Variants in CACNA1D observed in about 807,000 individuals in gnomAD.
CACNA1D encodes calcium voltage-gated channel subunit alpha1 D.
In CACNA1D, 55 loss-of-function variants were observed where a neutral mutation model predicts 257.1. That is an observed-to-expected ratio of 0.21 (90% CI 0.17 to 0.27). CACNA1D has a LOEUF of 0.27. CACNA1D is among the 10% of genes least tolerant of loss of function. The probability of loss-of-function intolerance (pLI) is 1.00; values close to 1 mark genes in which losing one functional copy is unlikely to be tolerated. For missense variants in CACNA1D, 1,876 were observed against 2,784.0 expected, an observed-to-expected ratio of 0.67 and a Z score of 7.34; for synonymous variants, 980 against 1,014.9, an observed-to-expected ratio of 0.97 and a Z score of 0.65.
chr3:53,737,078 C>T (rs1327982746), intron 20 of CACNA1D, among the ~76,000 whole-genome samples: 3 of 151,940 alleles, frequency 2.0e-5, no homozygotes, highest in African/African-American at 7.3e-5. Flanking sequence ...GTGGGTGGAT[C>T]GCTTGAGGTC....
At chr3:53,787,282 G>C (rs1418267248) in intron 40 of CACNA1D, among the ~76,000 whole-genome samples, 2 of 152,178 alleles carry the variant, frequency 1.3e-5, no homozygotes, top group African/African-American at 4.8e-5. Context: ...ACAGCCCTGG[G>C]CTCCAGGGTT....
rs116724741 is a variant in CACNA1D, at chr3:53,666,682, T to A, written c.1116+147T>A. 282 of 749,032 alleles carry A rather than the reference T, an allele frequency of 3.8e-4. No homozygotes were observed. The African/African-American group carries it at 4.3e-3, about 11-fold the overall frequency. The allele number at this position is 749,032 out of a possible 1,614,324, so 46.4% of individuals were successfully genotyped here. A position where few individuals can be genotyped will look rare whatever the true frequency, so the allele number is the denominator to read the frequency against. ...AAGCAGATGCTGTCTTTACCAGCAGTCTTCATCATCCTGCTCCTCGAGGGC... is the reference window on the plus strand; with the variant it reads ...AAGCAGATGCTGTCTTTACCAGCAGACTTCATCATCCTGCTCCTCGAGGGC... On this transcript the variant is annotated intron_variant, in intron 7 of 47. Coordinates refer to ENST00000350061, the MANE Select transcript of CACNA1D (RefSeq NM_001128840.3).
At chr3:53,767,882 A>G (rs2095343255) in intron 30 of CACNA1D, among the ~76,000 whole-genome samples, 2 of 151,976 alleles carry the variant, frequency 1.3e-5, no homozygotes, top group Admixed American at 1.3e-4. Flanking sequence ...GTGGGAGGGG[A>G]GGTGTCGCAG....
At chr3:53,629,291 T>A (rs557426830) in intron 3 of CACNA1D, among the ~76,000 whole-genome samples, 21 of 152,370 alleles carry the variant, frequency 1.4e-4, no homozygotes, top group African/African-American at 4.3e-4. Flanking sequence ...CTGATTACCT[T>A]CATGCCAACC....
chr3:53,739,026 G>A (rs2095087610), intron 20 of CACNA1D, among the ~76,000 whole-genome samples: 1 of 152,204 alleles, frequency 6.6e-6, no homozygotes, highest in East Asian at 1.9e-4. Context: ...GAATTCATAA[G>A]TCCAAAACCA....
intron 9 of CACNA1D, among the ~76,000 whole-genome samples, chr3:53,716,039 C>T (rs75670015): frequency 0.019 from 2,844 of 152,232 alleles, 79 homozygotes; most frequent in African/African-American, 0.065. Context: ...GCAACTGTAC[C>T]GATATCAGCA....
chr3:53,714,234 G>A (rs1246606408), intron 9 of CACNA1D, among the ~76,000 whole-genome samples: 1 of 152,178 alleles, frequency 6.6e-6, no homozygotes, highest in African/African-American at 2.4e-5. Flanking sequence ...TACAGTAGGG[G>A]ACTGGCACTT....
rs776152776 is a variant in CACNA1D, at chr3:53,801,431, CT to C, written c.5408+8del. The C allele has an allele frequency of 9.3e-6, 15 of 1,613,668 alleles. No individual in the cohort carries two copies. The South Asian group carries it at 1.5e-4, about 17-fold the overall frequency. On this transcript the variant is annotated splice_region_variant and intron_variant, in intron 42 of 47. Coordinates refer to ENST00000350061, the MANE Select transcript of CACNA1D (RefSeq NM_001128840.3). Reference sequence around the variant, plus strand: ...AGAAGGTCCAGTGTGAAAAGGTAACCTTGACAATGTGTTTGGACTTGCTCAT... The same window carrying C: ...AGAAGGTCCAGTGTGAAAAGGTAACCTGACAATGTGTTTGGACTTGCTCAT...
rs545270053 is a variant in CACNA1D, at chr3:53,789,574, G to A, written c.4923+2622G>A. On this transcript the variant is annotated intron_variant, in intron 40 of 47. Transcript: ENST00000350061. The surrounding 1 kb of genome is among the most constrained non-coding windows in gnomAD (Gnocchi z 4.2). The stretch of plus-strand genomic sequence containing the variant: ...GTAACTAGGACAAGGACACAGCCTC[G>A]GGAAGCCCCTGAGAGTGGGCGTGGC... 1.6e-4 allele frequency among the ~76,000 whole-genome samples: 25 copies of A among 152,350 alleles called. No individual in the cohort carries two copies. Among genetic ancestry groups the A allele is most frequent in the African/African-American group, 5.3e-4 (22 of 41,586 alleles).
intron 9 of CACNA1D, among the ~76,000 whole-genome samples, chr3:53,708,755 T>TTC (rs1384214822): frequency 6.6e-6 from 1 of 152,176 alleles, no homozygotes; most frequent in Non-Finnish European, 1.5e-5. Context: ...TCAAAGTATA[T>TTC]AAAGTAAGAA....
rs2090886312 is a variant in CACNA1D, at chr3:53,507,090, A to AAC, written c.483+5371_483+5372insCA. ...TCTATCTCAAAAAAAAAAAAAAAAAAAAACAAAAAAATGTGGTAGAAGGGG... is the reference window on the plus strand; with the variant it reads ...TCTATCTCAAAAAAAAAAAAAAAAAAACAAACAAAAAAATGTGGTAGAAGGGG... On this transcript the variant is annotated intron_variant, in intron 3 of 47. Coordinates refer to ENST00000350061, the MANE Select transcript of CACNA1D (RefSeq NM_001128840.3). Among the ~76,000 whole-genome samples the AAC allele has an allele frequency of 5.1e-5, 7 of 137,770 alleles. No homozygotes were observed. The South Asian group carries it at 1.6e-3, about 31-fold the overall frequency. The allele number at this position is 137,770 out of a possible 152,430, so 90.4% of individuals were successfully genotyped here. A position where few individuals can be genotyped will look rare whatever the true frequency, so the allele number is the denominator to read the frequency against.
At chr3:53,576,514 T>C (rs1158630363) in intron 3 of CACNA1D, among the ~76,000 whole-genome samples, 1 of 152,174 alleles carries the variant, frequency 6.6e-6, no homozygotes, top group Non-Finnish European at 1.5e-5. Context: ...AGACTAATAG[T>C]TTTTCCAGTC....
rs377366990 is a variant in CACNA1D at position 53,580,110 on chromosome 3, T to TGC, written c.484-70668_484-70667dup. ...CACCTAAAATGACCTTCTCTGCTCCTGCATCCTTTTAGGAATGGGTAACTT... is the reference window on the plus strand; with the variant it reads ...CACCTAAAATGACCTTCTCTGCTCCTGCGCATCCTTTTAGGAATGGGTAACTT... On this transcript the variant is annotated intron_variant, in intron 3 of 47. Coordinates refer to ENST00000350061, the MANE Select transcript of CACNA1D (RefSeq NM_001128840.3). Among the ~76,000 whole-genome samples, 884 of 152,372 alleles carry TGC rather than the reference T, an allele frequency of 5.8e-3. 6 individuals carry two copies. The highest frequency in any genetic ancestry group is 0.016 in the South Asian group (77 of 4,832).
intron 4 of CACNA1D, among the ~76,000 whole-genome samples, chr3:53,658,179 C>T (rs1486277593): frequency 3.4e-5 from 5 of 148,182 alleles, no homozygotes; most frequent in Non-Finnish European, 7.4e-5. Context: ...CTTATCTCTT[C>T]AGGCCCGTGG....
chr3:53,525,310 A>G (rs1461124373), intron 3 of CACNA1D, among the ~76,000 whole-genome samples: 8 of 152,192 alleles, frequency 5.3e-5, no homozygotes, highest in Admixed American at 5.2e-4. Context: ...ATCGTAAATG[A>G]GCACAATCCC....
intron 40 of CACNA1D, among the ~76,000 whole-genome samples, chr3:53,795,555 C>T (rs949929876): frequency 6.6e-6 from 1 of 152,214 alleles, no homozygotes; most frequent in Non-Finnish European, 1.5e-5. Context: ...TTGGCTCTCC[C>T]TTCCTCCCAG....
intron 40 of CACNA1D, among the ~76,000 whole-genome samples, chr3:53,790,686 A>C (rs564572462): frequency 5.3e-5 from 8 of 152,342 alleles, no homozygotes; most frequent in Non-Finnish European, 1.0e-4. Context: ...GGTATATAAG[A>C]AGCAAAGGAC....
chr3:53,566,992 C>G (rs1212074434), intron 3 of CACNA1D, among the ~76,000 whole-genome samples: 1 of 152,330 alleles, frequency 6.6e-6, no homozygotes, highest in Admixed American at 6.5e-5. Context: ...TCATCCTCCC[C>G]AAGGGGAGCA....
intron 44 of CACNA1D, 25 bp from the exon 45 acceptor site, chr3:53,804,958 T>A: frequency 6.2e-7 from 1 of 1,612,224 alleles, no homozygotes; most frequent in Non-Finnish European, 8.5e-7. Context: ...CCTAGAACCT[T>A]ACTGCCCTCC....
Sources: gnomAD v4.1 joint callset for allele counts (sites outside exome capture counted in the v4.1 genomes callset) on GRCh38, gnomAD v4.1.1 for gene constraint, Gnocchi (gnomAD v3.1) non-coding constraint, MANE v1.5 for transcripts, NCBI Gene and HGNC (gene_info 2026-07-23, HGNC 2026-07-21) for gene names.